KCNN3: variants seen among roughly 807,000 people sequenced by gnomAD.
KCNN3 encodes potassium calcium-activated channel subfamily N member 3, also known as small conductance calcium-activated potassium channel protein 3.
KCNN3 carries 16 observed loss-of-function variants against 62.9 expected under a neutral mutation model. That is an observed-to-expected ratio of 0.25 (90% CI 0.17 to 0.39). The LOEUF is 0.39. KCNN3 is among the 10% of genes least tolerant of loss of function. KCNN3 has a pLI of 1.00. For synonymous variants in KCNN3, 370 were observed against 389.2 expected (o/e 0.95, Z 0.58); for missense variants, 599 against 949.4 (o/e 0.63, Z 4.85).
At chr1:154,791,180 G>A (rs1053492990) in intron 2 of KCNN3, among the ~76,000 whole-genome samples, 9 of 139,568 alleles carry the variant, frequency 6.4e-5, no homozygotes, top group Non-Finnish European at 1.2e-4. Flanking sequence ...AGCGAGTCAA[G>A]ATCGCACCAC....
In KCNN3 at chr1:154,748,914, T is replaced by G. The variant is rs528742895; in HGVS notation, c.1449-15770A>C. 2.9e-4 allele frequency among the ~76,000 whole-genome samples: 44 copies of G among 152,276 alleles called. No individual in the cohort carries two copies. In the South Asian group the frequency reaches 4.6e-3, roughly 16 times the overall value. On this transcript the variant is annotated intron_variant, in intron 3 of 7. Coordinates refer to ENST00000271915, the MANE Select transcript of KCNN3 (RefSeq NM_002249.6). The stretch of plus-strand genomic sequence containing the variant: ...ACTAGATTAGGAAACTTGCACAAAA[T>G]AAAACATCAATTGAGTGGCAGGGCC...
intron 3 of KCNN3, among the ~76,000 whole-genome samples, chr1:154,736,117 G>C (rs1026564216): frequency 4.6e-5 from 7 of 152,210 alleles, no homozygotes; most frequent in Non-Finnish European, 1.0e-4. Flanking sequence ...TGGAGCTCCA[G>C]CTCCAGAGTT....
rs1326825906 is a variant in KCNN3 at position 154,833,129 on chromosome 1, A to G, written c.934-10945T>C. On this transcript the variant is annotated intron_variant, in intron 1 of 7. Coordinates refer to ENST00000271915, the MANE Select transcript of KCNN3 (RefSeq NM_002249.6). ...TCTGTCTGCACCAGAAGCTGCTGCA[A>G]CACTAGGGCCCCAGCTGAACCTTCC... Among the ~76,000 whole-genome samples, 3 of 152,052 alleles carry G rather than the reference A, an allele frequency of 2.0e-5. No individual in the cohort carries two copies. The East Asian group carries it at 5.8e-4, about 29-fold the overall frequency.
At chr1:154,851,229 G>A (rs927489573) in intron 1 of KCNN3, among the ~76,000 whole-genome samples, 4 of 151,934 alleles carry the variant, frequency 2.6e-5, no homozygotes, top group East Asian at 3.9e-4. Flanking sequence ...CACCCGCCTC[G>A]GCCTCCCAAA....
chr1:154,822,996 CCT>C (rs1650967599), intron 1 of KCNN3, among the ~76,000 whole-genome samples: 1 of 152,228 alleles, frequency 6.6e-6, no homozygotes, highest in Non-Finnish European at 1.5e-5. Flanking sequence ...GCCCACTCCA[CCT>C]CTCTGCACCA....
chr1:154,774,923 A>G (rs949003049), intron 2 of KCNN3, among the ~76,000 whole-genome samples: 3 of 152,176 alleles, frequency 2.0e-5, no homozygotes, highest in African/African-American at 7.2e-5. Context: ...AGGAGAAATT[A>G]ATGTTGGGGC....
chr1:154,750,906 G>A (rs113637245), intron 3 of KCNN3, among the ~76,000 whole-genome samples: 22 of 152,330 alleles, frequency 1.4e-4, no homozygotes, highest in Middle Eastern at 6.8e-3. Flanking sequence ...CCCTGGACAC[G>A]TGGCTGAAGG....
At chr1:154,835,087 C>T (rs1021633437) in intron 1 of KCNN3, among the ~76,000 whole-genome samples, 4 of 152,174 alleles carry the variant, frequency 2.6e-5, no homozygotes, top group African/African-American at 9.7e-5. Flanking sequence ...CCATCTTTAA[C>T]ATCTATTCAA....
intron 4 of KCNN3, among the ~76,000 whole-genome samples, chr1:154,728,369 C>T (rs1700513524): frequency 6.6e-6 from 1 of 152,182 alleles, no homozygotes; most frequent in Admixed American, 6.5e-5. Context: ...ATTCTTAACC[C>T]TTAATTCCAA....
chr1:154,772,263 G>A lies in KCNN3; in HGVS notation c.1160C>T (p.Thr387Met), dbSNP rs766922504. 1.5e-5 allele frequency: 24 copies of A among 1,614,092 alleles called. No homozygotes were observed. The highest frequency in any genetic ancestry group is 4.5e-5 in the East Asian group (2 of 44,898). ...TGTGTAGGAGAAGGCCAGGCGTGCC[G>A]TCCAGAAGAACTTGTACTCGCCAGG... ...PIPGEYKFFW[T>M]ARLAFSYTPS... The change falls in exon 3 of 8, where the codon ACG becomes ATG. Residue 387 changes from threonine to methionine, a missense_variant. Physicochemically the swap from Thr to Met is moderately conservative, Grantham distance 81 (BLOSUM62 -1). Transcript: ENST00000271915. This position sits in a 1 kb window ranked among gnomAD's most constrained non-coding sequence, Gnocchi z 5.6.
Position 154,869,949 on chromosome 1 carries a change from G to A in KCNN3, c.16C>T (p.His6Tyr). MDTSG[H>Y]FHDSGVGDLD... ...TCCCCCACCCCCGAGTCATGGAAGT[G>A]CCCAGAAGTGTCCATCTTGGGGCCT... The change falls in exon 1 of 8, where the codon CAC (histidine) becomes TAC (tyrosine). Residue 6 changes from histidine to tyrosine, a missense_variant. Around this residue, in one of 7 missense-constraint regions of KCNN3, gnomAD observed 59 missense variants for 62.4 expected, o/e 0.95. Transcript: ENST00000271915. The surrounding 1 kb of genome is among the most constrained non-coding windows in gnomAD (Gnocchi z 6.1). The A allele has an allele frequency of 6.2e-7, 1 of 1,611,182 alleles. No homozygotes were observed. Among genetic ancestry groups the A allele is most frequent in the Non-Finnish European group, 8.5e-7 (1 of 1,178,736 alleles).
chr1:154,764,810 T>C (rs1250372604), intron 3 of KCNN3, among the ~76,000 whole-genome samples: 1 of 152,236 alleles, frequency 6.6e-6, no homozygotes, highest in Non-Finnish European at 1.5e-5. Flanking sequence ...TTAGTCTTGA[T>C]TTCATGTTTG....
chr1:154,736,506 C>A (rs1348705618), intron 3 of KCNN3, among the ~76,000 whole-genome samples: 2 of 152,212 alleles, frequency 1.3e-5, no homozygotes, highest in African/African-American at 4.8e-5. Context: ...GAAAGACTGA[C>A]TAAAGGGGTC....
chr1:154,774,598 C>T (rs1173459998), intron 2 of KCNN3, among the ~76,000 whole-genome samples: 2 of 152,244 alleles, frequency 1.3e-5, no homozygotes, highest in Non-Finnish European at 2.9e-5. Flanking sequence ...TGTTTATCAT[C>T]ACACTATGCC....
At chr1:154,801,522 G>A (rs1488119029) in intron 2 of KCNN3, among the ~76,000 whole-genome samples, 1 of 152,168 alleles carries the variant, frequency 6.6e-6, no homozygotes, top group East Asian at 1.9e-4. Context: ...CCCACCCCCT[G>A]AAAGAAGAGT....
At chr1:154,764,494 C>A (rs1198936596) in intron 3 of KCNN3, among the ~76,000 whole-genome samples, 3 of 152,242 alleles carry the variant, frequency 2.0e-5, no homozygotes, top group Admixed American at 2.0e-4. Flanking sequence ...ATGGCTGATG[C>A]TACTGTTATT....
At chr1:154,829,483 T>C (rs988194915) in intron 1 of KCNN3, among the ~76,000 whole-genome samples, 4 of 152,142 alleles carry the variant, frequency 2.6e-5, no homozygotes, top group African/African-American at 9.7e-5. Context: ...GTCACCTTCT[T>C]ACATGAAGCT....
intron 1 of KCNN3, chr1:154,868,500 A>G (rs1653036182): frequency 6.1e-6 from 1 of 162,830 alleles, no homozygotes; most frequent in African/African-American, 2.5e-5. Flanking sequence ...ATGGTACGGA[A>G]TCCCCACCCC....
intron 4 of KCNN3, among the ~76,000 whole-genome samples, chr1:154,728,654 A>G (rs1700524064): frequency 6.6e-6 from 1 of 151,816 alleles, no homozygotes; most frequent in Non-Finnish European, 1.5e-5. Context: ...AGAGAAGAGA[A>G]GAGGAGAAAA....
Sources: gnomAD v4.1 joint callset for allele counts (sites outside exome capture counted in the v4.1 genomes callset) on GRCh38, gnomAD v4.1.1 for gene constraint, gnomAD v4.1.1 regional missense constraint, Gnocchi (gnomAD v3.1) non-coding constraint, MANE v1.5 for transcripts, NCBI Gene and HGNC (gene_info 2026-07-23, HGNC 2026-07-21) for gene names.